CLCN5: variants seen among roughly 807,000 people sequenced by gnomAD.
The protein encoded by CLCN5 is Cl-/H+ antiporter 5.
A neutral mutation model predicts 54.0 loss-of-function variants in CLCN5; 17 were observed. That is an observed-to-expected ratio of 0.31 (90% CI 0.22 to 0.47). The LOEUF is 0.47. Ranked by LOEUF, CLCN5 falls within the 20% of genes least tolerant of loss-of-function variation. The probability of loss-of-function intolerance (pLI) is 1.00; values close to 1 mark genes in which losing one functional copy is unlikely to be tolerated. For missense variants in CLCN5, 448 were observed against 646.7 expected (o/e 0.69, Z 3.33); for synonymous variants, 222 against 233.0 (o/e 0.95, Z 0.43).
intron 4 of CLCN5, among the ~76,000 whole-genome samples, chrX:50,066,776 A>G (rs7885457): frequency 0.44 from 49,126 of 110,945 alleles, 8,781 homozygotes; most frequent in East Asian, 0.94. Context: ...CTTTCTGCGT[A>G]GAGCATTACT....
At chrX:50,041,586 C>T (rs782328993) in intron 3 of CLCN5, among the ~76,000 whole-genome samples, 2 of 110,270 alleles carry the variant, frequency 1.8e-5, no homozygotes, top group South Asian at 7.7e-4. Flanking sequence ...TTTTTTTTCC[C>T]CATTCTCAAA....
intron 3 of CLCN5, among the ~76,000 whole-genome samples, chrX:49,951,655 G>A (rs1889906644): frequency 8.9e-6 from 1 of 112,073 alleles, no homozygotes; most frequent in African/African-American, 3.2e-5. Context: ...CTAGCATGAG[G>A]GTGGAAGGTT....
chrX:50,087,145 C>T (rs1933918427), intron 11 of CLCN5, among the ~76,000 whole-genome samples: 1 of 111,687 alleles, frequency 9.0e-6, no homozygotes, highest in African/African-American at 3.3e-5. Flanking sequence ...CTGTGGAAAA[C>T]ATATTTTGCC....
At chrX:50,011,322 G>A (rs1557182511) in intron 3 of CLCN5, among the ~76,000 whole-genome samples, 2 of 112,244 alleles carry the variant, frequency 1.8e-5, no homozygotes, top group African/African-American at 6.5e-5. Flanking sequence ...GGATATAGCA[G>A]GGATCAAAAT....
intron 3 of CLCN5, among the ~76,000 whole-genome samples, chrX:50,026,499 C>T (rs1931397451): frequency 9.0e-6 from 1 of 111,701 alleles, no homozygotes; most frequent in African/African-American, 3.3e-5. Flanking sequence ...GTACATTCAT[C>T]TATTTCTCCT....
chrX:50,033,321 C>T (rs868987181), intron 3 of CLCN5, among the ~76,000 whole-genome samples: 34 of 111,798 alleles, frequency 3.0e-4, no homozygotes, highest in African/African-American at 1.1e-3. Context: ...TCAGCAAAGT[C>T]TCAAGATACA....
intron 3 of CLCN5, among the ~76,000 whole-genome samples, chrX:49,975,165 T>C (rs141362987): frequency 1.8e-5 from 2 of 111,364 alleles, no homozygotes; most frequent in East Asian, 5.7e-4. Flanking sequence ...TTTGCATGGG[T>C]GAAAAATCAG....
chrX:50,013,001 G>T (rs1930587350), intron 3 of CLCN5, among the ~76,000 whole-genome samples: 1 of 111,414 alleles, frequency 9.0e-6, no homozygotes, highest in Admixed American at 9.5e-5. Context: ...TTTCATTACT[G>T]TCTCCACCTC....
At chrX:49,948,282 G>A (rs1254446081) in intron 3 of CLCN5, among the ~76,000 whole-genome samples, 1 of 109,420 alleles carries the variant, frequency 9.1e-6, no homozygotes, top group Non-Finnish European at 1.9e-5. Context: ...ATCCTCAGAC[G>A]TAACCACCAT....
chrX:49,955,306 C>T (rs140592749), intron 3 of CLCN5, among the ~76,000 whole-genome samples: 1,424 of 110,994 alleles, frequency 0.013, 18 homozygotes, highest in African/African-American at 0.045. Flanking sequence ...AACCTGTACC[C>T]TTTAAGCTCC....
intron 3 of CLCN5, among the ~76,000 whole-genome samples, chrX:49,933,498 G>A (rs1344364627): frequency 8.9e-6 from 1 of 112,175 alleles, no homozygotes; most frequent in Non-Finnish European, 1.9e-5. Flanking sequence ...CTGCCATTTG[G>A]TAGCCAAGGT....
rs149912461 is a variant in CLCN5, at chrX:50,009,773, A to G, written c.17-32543A>G. 5.6e-3 allele frequency: 2,154 copies of G among 384,406 alleles called. 35 individuals carry two copies. The highest frequency in any genetic ancestry group is 0.049 in the African/African-American group (1,915 of 38,905). 31.7% of individuals were successfully genotyped at this position (384,406 alleles called of 1,213,427 possible). On this transcript the variant is annotated intron_variant, in intron 3 of 14. Coordinates refer to ENST00000376091, the MANE Select transcript of CLCN5 (RefSeq NM_001127898.4). ...TGGGTGAGAGTGCTTTCTGAATGCA[A>G]TGCACCCGGGCAAGGATTCTGAGAG... is the stretch of plus-strand genomic sequence containing the variant.
At chrX:49,960,284 A>G (rs1557174494) in intron 3 of CLCN5, among the ~76,000 whole-genome samples, 1 of 110,157 alleles carries the variant, frequency 9.1e-6, no homozygotes. Flanking sequence ...TTCTGTTCCC[A>G]GGCTGCTGAG....
In CLCN5 at chrX:49,983,145, AAAAT is replaced by A. The variant is rs543269455; in HGVS notation, c.16+57836_16+57839del. Among the ~76,000 whole-genome samples, 16 of 112,095 alleles carry A rather than the reference AAAAT, an allele frequency of 1.4e-4. No individual in the cohort carries two copies. In the South Asian group the frequency reaches 2.6e-3, roughly 18 times the overall value. ...GTTCAATCACATCTCTGGGATTTTA[AAAAT>A]AAATCATGAATACAGCTGTGAGGAA... On this transcript the variant is annotated intron_variant, in intron 3 of 14. Transcript: ENST00000376091.
chrX:50,081,272 G>C (rs1557193106), intron 8 of CLCN5, among the ~76,000 whole-genome samples: 1 of 108,884 alleles, frequency 9.2e-6, no homozygotes, highest in African/African-American at 3.4e-5. Flanking sequence ...AACCTTTAAG[G>C]TTGTTTCAGG....
intron 7 of CLCN5, among the ~76,000 whole-genome samples, chrX:50,078,159 A>G (rs957613004): frequency 2.7e-5 from 3 of 110,832 alleles, no homozygotes; most frequent in Non-Finnish European, 5.7e-5. Flanking sequence ...TGGGCAATAT[A>G]TCAAGACCCC....
chrX:50,035,472 G>A (rs969975883), intron 3 of CLCN5, among the ~76,000 whole-genome samples: 1 of 111,412 alleles, frequency 9.0e-6, no homozygotes, highest in Admixed American at 9.7e-5. Context: ...GAAGGACATG[G>A]TGTAGTCACA....
Position 50,042,450 on chromosome X carries a change from C to T in CLCN5, c.151C>T (p.Arg51Ter), listed in dbSNP as rs782221875. 2.8e-6 allele frequency: 3 copies of T among 1,064,259 alleles called. No homozygotes were observed. Among genetic ancestry groups the T allele is most frequent in the Non-Finnish European group, 3.7e-6 (3 of 805,982 alleles). The allele number at this position is 1,064,259 out of a possible 1,213,427, so 87.7% of individuals were successfully genotyped here. The change falls in exon 4 of 15, where the codon CGA (arginine) becomes TGA (stop). Residue 51 changes from arginine to a stop codon, truncating the protein, a stop_gained. Transcript: ENST00000376091. LOFTEE classifies it high-confidence loss of function. ...SMRDDVPPLDREVGEDKSYNG... is the reference protein window; with the variant it reads ...SMRDDVPPLD ...GAGAGATGATGTTCCTCCCTTAGAC[C>T]GAGAAGTAGGAGGTATCATTATTGG...
intron 3 of CLCN5, among the ~76,000 whole-genome samples, chrX:49,966,162 A>G (rs2147313340): frequency 9.0e-6 from 1 of 111,022 alleles, no homozygotes; most frequent in South Asian, 3.8e-4. Flanking sequence ...TTCTTCCTTC[A>G]ATGTTTGGTA....
Sources: gnomAD v4.1 joint callset for allele counts (sites outside exome capture counted in the v4.1 genomes callset) on GRCh38, gnomAD v4.1.1 for gene constraint, MANE v1.5 for transcripts, NCBI Gene and HGNC (gene_info 2026-07-23, HGNC 2026-07-21) for gene names.